NTM: variants seen among roughly 807,000 people sequenced by gnomAD.
The protein encoded by NTM is neurotrimin.
A neutral mutation model predicts 42.1 loss-of-function variants in NTM; 13 were observed. That is an observed-to-expected ratio of 0.31 (90% CI 0.20 to 0.49). The LOEUF (loss-of-function observed/expected upper bound fraction) is 0.49, where lower values mean the gene tolerates loss of function less well. Ranked by LOEUF, NTM falls within the 20% of genes least tolerant of loss-of-function variation. The pLI is 0.99. For missense variants in NTM, 373 were observed against 452.8 expected, an observed-to-expected ratio of 0.82 and a Z score of 1.60; for synonymous variants, 187 against 179.2, an observed-to-expected ratio of 1.04 and a Z score of -0.35.
rs949654519 is a variant in NTM at position 131,911,137 on chromosome 11, GC to G, written c.83-425del. The G allele has an allele frequency of 1.7e-5, 22 of 1,263,186 alleles. No homozygotes were observed. In the East Asian group the frequency reaches 8.7e-4, roughly 50 times the overall value. The allele number at this position is 1,263,186 out of a possible 1,614,324, so 78.2% of individuals were successfully genotyped here. A position where few individuals can be genotyped will look rare whatever the true frequency, so the allele number is the denominator to read the frequency against. ...CTCTCCAAAGTGCCGTGTCTGAACT[GC>G]CGCTGGGAAGAAGCGGCTCCTGAGA... On this transcript the variant is annotated intron_variant, in intron 1 of 8. Transcript: ENST00000683400.
At chr11:131,528,242 C>T (rs992788626) in intron 1 of NTM, among the ~76,000 whole-genome samples, 1 of 152,096 alleles carries the variant, frequency 6.6e-6, no homozygotes, top group African/African-American at 2.4e-5. Context: ...ATATGCCTTC[C>T]CTCTTCAATA....
At chr11:131,784,498 GA>G (rs2088771423) in intron 1 of NTM, among the ~76,000 whole-genome samples, 1 of 152,120 alleles carries the variant, frequency 6.6e-6, no homozygotes, top group South Asian at 2.1e-4. Context: ...AACTAGATCT[GA>G]AAAAGAACAC....
intron 1 of NTM, among the ~76,000 whole-genome samples, chr11:131,525,279 C>T (rs746317971): frequency 6.6e-6 from 1 of 152,164 alleles, no homozygotes; most frequent in Non-Finnish European, 1.5e-5. Context: ...GTGCTGACCC[C>T]GGTGCCCATC....
At chr11:132,217,676 C>T (rs2084193811) in intron 4 of NTM, among the ~76,000 whole-genome samples, 1 of 152,020 alleles carries the variant, frequency 6.6e-6, no homozygotes, top group Non-Finnish European at 1.5e-5. Flanking sequence ...GCTCAGTAAC[C>T]TTCCTCAGCT....
chr11:131,378,781 A>G (rs765218432), intron 1 of NTM, among the ~76,000 whole-genome samples: 7 of 152,174 alleles, frequency 4.6e-5, no homozygotes, highest in Non-Finnish European at 1.0e-4. Context: ...AGATGTGAGA[A>G]TTACATATTT....
intron 1 of NTM, among the ~76,000 whole-genome samples, chr11:131,583,525 G>A (rs1436452127): frequency 6.6e-6 from 1 of 152,186 alleles, no homozygotes; most frequent in African/African-American, 2.4e-5. Flanking sequence ...ACCCTGGCAA[G>A]TGTGCAATTC....
At chr11:131,862,539 C>T (rs375828666) in intron 1 of NTM, among the ~76,000 whole-genome samples, 7 of 152,202 alleles carry the variant, frequency 4.6e-5, no homozygotes, top group East Asian at 3.9e-4. Context: ...ATGTATGAAT[C>T]GAGGGTTGTT....
chr11:132,085,500 G>A (rs192088398), intron 2 of NTM, among the ~76,000 whole-genome samples: 8 of 152,272 alleles, frequency 5.3e-5, no homozygotes, highest in Non-Finnish European at 8.8e-5. Context: ...TATCTGACCC[G>A]TATAATTTAG....
At chr11:132,128,774 AAAAAT>A (rs1221248155) in intron 2 of NTM, among the ~76,000 whole-genome samples, 1 of 151,702 alleles carries the variant, frequency 6.6e-6, no homozygotes, top group East Asian at 1.9e-4. Flanking sequence ...TAAAAAATAA[AAAAAT>A]AAAATAAAAT....
intron 1 of NTM, among the ~76,000 whole-genome samples, chr11:131,898,049 TTGGA>T (rs1381623717): frequency 6.6e-6 from 1 of 152,170 alleles, no homozygotes; most frequent in East Asian, 1.9e-4. Flanking sequence ...AATGTTATTC[TTGGA>T]TGGAGAGTGC....
At position 132,007,836 on chromosome 11, in the gene NTM, C is replaced by G. The variant is rs1196104660; in HGVS notation, c.167+96188C>G. On this transcript the variant is annotated intron_variant, in intron 2 of 8. Coordinates refer to ENST00000683400, the MANE Select transcript of NTM (RefSeq NM_001352005.2). ...CAAAGCTTGCCTTTGTCCTGGGGGACAAAGTGAGGGGCCAACTGAGGATGA... is the reference window on the plus strand; with the variant it reads ...CAAAGCTTGCCTTTGTCCTGGGGGAGAAAGTGAGGGGCCAACTGAGGATGA... Among the ~76,000 whole-genome samples the G allele has an allele frequency of 2.0e-5, 3 of 152,020 alleles. No individual in the cohort carries two copies. In the East Asian group the frequency reaches 5.8e-4, roughly 29 times the overall value.
intron 2 of NTM, among the ~76,000 whole-genome samples, chr11:131,935,615 G>A (rs1452693740): frequency 6.6e-6 from 1 of 152,118 alleles, no homozygotes; most frequent in Admixed American, 6.5e-5. Flanking sequence ...GGAGGGAAGG[G>A]GAGGGTTCCC....
intron 1 of NTM, among the ~76,000 whole-genome samples, chr11:131,668,331 T>C (rs1422571545): frequency 6.6e-6 from 1 of 152,052 alleles, no homozygotes; most frequent in Non-Finnish European, 1.5e-5. Context: ...CTATCAGCAA[T>C]GCCTGGATAT....
Position 132,071,070 on chromosome 11 carries a change from G to C in NTM, c.168-75212G>C, listed in dbSNP as rs532632185. Among the ~76,000 whole-genome samples the C allele has an allele frequency of 7.9e-5, 11 of 138,722 alleles. 1 individual carries two copies. Among genetic ancestry groups the C allele is most frequent in the Non-Finnish European group, 1.8e-4 (11 of 62,706 alleles). The allele number at this position is 138,722 out of a possible 152,430, so 91.0% of individuals were successfully genotyped here. On this transcript the variant is annotated intron_variant, in intron 2 of 8. Coordinates refer to ENST00000683400, the MANE Select transcript of NTM (RefSeq NM_001352005.2). ...TAACACGTCACACTGACCGTCACAG[G>C]TTAGTTAACACGTCACACAGCCAGG...
At chr11:132,149,051 G>A (rs2071246863) in intron 3 of NTM, among the ~76,000 whole-genome samples, 1 of 152,118 alleles carries the variant, frequency 6.6e-6, no homozygotes, top group Non-Finnish European at 1.5e-5. Context: ...CACAGACTCA[G>A]CCCAAGCTAA....
intron 1 of NTM, among the ~76,000 whole-genome samples, chr11:131,676,052 T>C (rs959789449): frequency 1.3e-5 from 2 of 152,186 alleles, no homozygotes; most frequent in Non-Finnish European, 2.9e-5. Flanking sequence ...CATGTCACCA[T>C]GGGACTGGAC....
At chr11:131,528,843 T>G (rs1404567369) in intron 1 of NTM, among the ~76,000 whole-genome samples, 1 of 152,232 alleles carries the variant, frequency 6.6e-6, no homozygotes, top group East Asian at 1.9e-4. Flanking sequence ...TGACCTCTCA[T>G]AGCACACTTG....
At chr11:132,320,498 A>G (rs1458735412) in intron 7 of NTM, among the ~76,000 whole-genome samples, 1 of 152,130 alleles carries the variant, frequency 6.6e-6, no homozygotes, top group Non-Finnish European at 1.5e-5. Context: ...CCATGAGATT[A>G]TATCCCCCAG....
At chr11:131,411,416 C>G (rs1946389088) in intron 1 of NTM, among the ~76,000 whole-genome samples, 1 of 151,920 alleles carries the variant, frequency 6.6e-6, no homozygotes, top group Admixed American at 6.6e-5. Flanking sequence ...AATAATCTAC[C>G]CTCAACACTC....
Sources: allele counts gnomAD v4.1 joint callset (sites outside exome capture counted in the v4.1 genomes callset), GRCh38; gene constraint gnomAD v4.1.1; transcripts MANE v1.5; gene names NCBI Gene and HGNC (gene_info 2026-07-23, HGNC 2026-07-21).